MYO15A: variants seen among roughly 807,000 people sequenced by gnomAD.
The protein encoded by MYO15A is unconventional myosin-XV.
In MYO15A, 308 loss-of-function variants were observed where a neutral mutation model predicts 394.6. That is an observed-to-expected ratio of 0.78 (90% CI 0.71 to 0.86). MYO15A has a LOEUF of 0.86. MYO15A is among the 40% of genes least tolerant of loss of function. The pLI is 0.00. For synonymous variants in MYO15A, 1,957 were observed against 2,003.8 expected (o/e 0.98, Z 0.62); for missense variants, 4,606 against 4,799.1 (o/e 0.96, Z 1.19).
At chr17:18,115,113 T>C (rs931691603) in intron 1 of MYO15A, among the ~76,000 whole-genome samples, 1 of 152,172 alleles carries the variant, frequency 6.6e-6, no homozygotes, top group African/African-American at 2.4e-5. Context: ...GTAAGGAAAC[T>C]TGGGAGCCAT....
chr17:18,118,822 G>A lies in MYO15A; in HGVS notation c.22G>A (p.Glu8Lys), dbSNP rs2045833823. Reference protein sequence around the residue: MAKEEDEEKKAKKGKKGK... With the variant: MAKEEDEKKKAKKGKKGK... ...CACCATGGCGAAGGAGGAAGATGAG[G>A]AGAAGAAAGCCAAGAAAGGGAAGAA... The change falls in exon 2 of 66, where the codon GAG becomes AAG. Residue 8 changes from glutamate (E) to lysine (K), a missense_variant. Physicochemically the swap from Glu to Lys is moderately conservative, Grantham distance 56. Coordinates refer to ENST00000647165, the MANE Select transcript of MYO15A (RefSeq NM_016239.4). The A allele has an allele frequency of 1.2e-6, 2 of 1,609,602 alleles. No homozygotes were observed. Among genetic ancestry groups the A allele is most frequent in the Non-Finnish European group, 1.7e-6 (2 of 1,178,010 alleles).
intron 1 of MYO15A, among the ~76,000 whole-genome samples, chr17:18,114,077 G>A (rs1244201436): frequency 2.0e-5 from 3 of 151,906 alleles, no homozygotes; most frequent in South Asian, 2.1e-4. Flanking sequence ...CCCCAGGGGT[G>A]GATTACTTGC....
chr17:18,145,792 T>C, intron 29 of MYO15A, 80 bp from the exon 30 acceptor site: 9 of 1,241,844 alleles, frequency 7.2e-6, no homozygotes, highest in Middle Eastern at 1.9e-4. Flanking sequence ...GGGAGGGACA[T>C]GAGAGGGATG....
At position 18,149,281 on chromosome 17, in the gene MYO15A, T is replaced by C. The variant is rs1417880278; in HGVS notation, c.7022T>C (p.Met2341Thr). The C allele has an allele frequency of 6.2e-7, 1 of 1,613,912 alleles. No individual in the cohort carries two copies. The highest frequency in any genetic ancestry group is 1.1e-5 in the South Asian group (1 of 91,058). ...ACTAGACCCCAGCCCCAGGAGCACA[T>C]GCCCAAAGTACTTGACTCTGATGGG... ...MSTRPQPQEH[M>T]PKVLDSDGYS... Residue 2341 changes from methionine (M) to threonine (T), a missense_variant, in exon 34 of 66, where the codon ATG becomes ACG. By Grantham distance (81) the Met-to-Thr change is moderately conservative. Transcript: ENST00000647165.
At position 18,148,134 on chromosome 17, in the gene MYO15A, C is replaced by G. The variant is rs1304772180; in HGVS notation, c.6615C>G (p.Thr2205=). Residue 2205 remains threonine (T), a synonymous_variant, in exon 31 of 66, where the codon ACC becomes ACG. Coordinates refer to ENST00000647165, the MANE Select transcript of MYO15A (RefSeq NM_016239.4). This position sits in a 1 kb window ranked among gnomAD's most constrained non-coding sequence, Gnocchi z 4.8. ...AGCAGGGCTCGGGGGCTGCCCGCACCTTACCCCCGACCCAGCTCGAGTGGA... is the reference window on the plus strand; with the variant it reads ...AGCAGGGCTCGGGGGCTGCCCGCACGTTACCCCCGACCCAGCTCGAGTGGA... ...AQQQGSGAAR[T]LPPTQLEWTA... 1.2e-6 allele frequency: 2 copies of G among 1,613,750 alleles called. No individual in the cohort carries two copies. Among genetic ancestry groups the G allele is most frequent in the African/African-American group, 2.7e-5 (2 of 74,948 alleles).
intron 22 of MYO15A, among the ~76,000 whole-genome samples, chr17:18,141,372 G>A (rs754129724): frequency 2.0e-5 from 3 of 152,180 alleles, no homozygotes; most frequent in Admixed American, 6.5e-5. Context: ...TCAACGCTCC[G>A]CGTTATTAGA....
chr17:18,152,132 C>T lies in MYO15A; in HGVS notation c.7914C>T (p.Ala2638=), dbSNP rs1466858513. The T allele has an allele frequency of 6.4e-7, 1 of 1,551,566 alleles. No homozygotes were observed. The change falls in exon 42 of 66, where the codon GCC becomes GCT. Residue 2638 remains alanine (A), a synonymous_variant. Transcript: ENST00000647165. ...PGTQVSREAV[A]LVKPVTSAPR... is the part of the protein sequence containing the mutation. ...GACAGGTGTCCAGAGAGGCCGTGGCCCTGGTGAAGCCGGTGACCAGTGCAC... is the reference window on the plus strand; with the variant it reads ...GACAGGTGTCCAGAGAGGCCGTGGCTCTGGTGAAGCCGGTGACCAGTGCAC...
intron 57 of MYO15A, among the ~76,000 whole-genome samples, chr17:18,162,256 G>C (rs1160420754): frequency 6.6e-6 from 1 of 152,180 alleles, no homozygotes; most frequent in Non-Finnish European, 1.5e-5. Context: ...CCTAGCCACA[G>C]AGCCTGTGAG....
Position 18,140,700 on chromosome 17 carries a change from C to T in MYO15A, c.5360+35C>T, listed in dbSNP as rs997465969. 4.3e-6 allele frequency: 7 copies of T among 1,613,978 alleles called. No homozygotes were observed. In the African/African-American group the frequency reaches 9.3e-5, roughly 22 times the overall value. ...GGGGCAGGTGGGCGGAGCACCCAGC[C>T]TCATCCTTAACCCACCTCATGACCC... On this transcript the variant is annotated intron_variant, in intron 20 of 65. Transcript: ENST00000647165.
rs2046188316 is a variant in MYO15A, at chr17:18,132,600, C to T, written c.4320+34C>T. ...CAGCAGGCATCTGAAGGCCCCTGGC[C>T]CTGGTCCTCCCACCCCGACGCCCCT... On this transcript the variant is annotated intron_variant, in intron 11 of 65. Transcript: ENST00000647165. This position sits in a 1 kb window ranked among gnomAD's most constrained non-coding sequence, Gnocchi z 4.6. 6.4e-7 allele frequency: 1 copy of T among 1,566,192 alleles called. No homozygotes were observed. Among genetic ancestry groups the T allele is most frequent in the Admixed American group, 1.7e-5 (1 of 59,914 alleles).
At chr17:18,149,852 C>T in intron 35 of MYO15A, 1 of 489,764 alleles carries the variant, frequency 2.0e-6, no homozygotes. Context: ...ACTTAGGAGG[C>T]TGAGATGGGA....
chr17:18,153,917 C>G lies in MYO15A; in HGVS notation c.8088+21C>G. On this transcript the variant is annotated intron_variant, in intron 43 of 65. Transcript: ENST00000647165. The surrounding 1 kb of genome is among the most constrained non-coding windows in gnomAD (Gnocchi z 4.1). ...AAGAGGTGCCGAGCACAGCCGTAGCCAGGGGAGGGGCTGAAGCGGGGCAGG... is the reference window on the plus strand; with the variant it reads ...AAGAGGTGCCGAGCACAGCCGTAGCGAGGGGAGGGGCTGAAGCGGGGCAGG... 1 of 1,613,228 alleles carries G rather than the reference C, an allele frequency of 6.2e-7. No homozygotes were observed.
In MYO15A at chr17:18,125,209, G is replaced by T. The variant is rs2046009943; in HGVS notation, c.3734G>T (p.Arg1245Ile). The change falls in exon 4 of 66, where the codon AGA (arginine) becomes ATA (isoleucine). Residue 1245 changes from arginine to isoleucine, a missense_variant. Arg to Ile is a moderately conservative substitution (Grantham distance 97). Around this residue, in one of 2 missense-constraint regions of MYO15A, gnomAD observed 2,776 missense variants for 3,109.3 expected, o/e 0.89. Coordinates refer to ENST00000647165, the MANE Select transcript of MYO15A (RefSeq NM_016239.4). ...ACTGTGCTGTCCAACCTCAAGATTAGATTTGAACGGAACCTCATCTACGTA... is the reference window on the plus strand; with the variant it reads ...ACTGTGCTGTCCAACCTCAAGATTATATTTGAACGGAACCTCATCTACGTA... ...ETTVLSNLKIRFERNLIYTYI... is the reference protein window; with the variant it reads ...ETTVLSNLKIIFERNLIYTYI... The T allele has an allele frequency of 6.2e-7, 1 of 1,614,022 alleles. No individual in the cohort carries two copies. Among genetic ancestry groups the T allele is most frequent in the African/African-American group, 1.3e-5 (1 of 74,922 alleles).
Position 18,151,215 on chromosome 17 carries a change from G to A in MYO15A, c.7579G>A (p.Ala2527Thr). ...AAAGCCCTTGGCCCCAGCCCCTCTG[G>A]CCAAGGCTCCAAGGCTCCCCATCAA... ...TPKPLAPAPL[A>T]KAPRLPIKPV... Residue 2527 changes from alanine (A) to threonine (T), a missense_variant, in exon 39 of 66, where the codon GCC becomes ACC. This residue lies in a region of MYO15A where 2,776 missense variants were observed against 3,109.3 expected (regional missense o/e 0.89). Coordinates refer to ENST00000647165, the MANE Select transcript of MYO15A (RefSeq NM_016239.4). The A allele has an allele frequency of 6.2e-7, 1 of 1,613,884 alleles. No homozygotes were observed. Among genetic ancestry groups the A allele is most frequent in the African/African-American group, 1.3e-5 (1 of 74,958 alleles).
rs768607209 is a variant in MYO15A at position 18,151,218 on chromosome 17, A to T, written c.7582A>T (p.Lys2528Ter). 1.9e-6 allele frequency: 3 copies of T among 1,613,726 alleles called. No homozygotes were observed. Among genetic ancestry groups the T allele is most frequent in the Admixed American group, 1.7e-5 (1 of 60,010 alleles). ...PKPLAPAPLA[K>*]APRLPIKPVA... ...GCCCTTGGCCCCAGCCCCTCTGGCCAAGGCTCCAAGGCTCCCCATCAAGCC... is the reference window on the plus strand; with the variant it reads ...GCCCTTGGCCCCAGCCCCTCTGGCCTAGGCTCCAAGGCTCCCCATCAAGCC... The change falls in exon 39 of 66, where the codon AAG (lysine) becomes TAG (stop). Residue 2528 changes from lysine (K) to a stop codon, truncating the protein, a stop_gained. Coordinates refer to ENST00000647165, the MANE Select transcript of MYO15A (RefSeq NM_016239.4). LOFTEE classifies it high-confidence loss of function.
chr17:18,168,555 A>G (rs1255168072), intron 62 of MYO15A, among the ~76,000 whole-genome samples: 1 of 147,606 alleles, frequency 6.8e-6, no homozygotes, highest in Non-Finnish European at 1.5e-5. Context: ...GTGACAGAGC[A>G]AGACTCCGTC....
chr17:18,169,962 C>A (rs1418373897), intron 62 of MYO15A, among the ~76,000 whole-genome samples: 4 of 126,600 alleles, frequency 3.2e-5, no homozygotes, highest in African/African-American at 6.6e-5. Context: ...CAGAGCAAGA[C>A]CCTGTCTCAA....
Position 18,148,520 on chromosome 17 carries a change from A to T in MYO15A, c.6716A>T (p.His2239Leu). The T allele has an allele frequency of 6.4e-7, 1 of 1,552,694 alleles. No individual in the cohort carries two copies. Among genetic ancestry groups the T allele is most frequent in the Non-Finnish European group, 8.7e-7 (1 of 1,147,518 alleles). ...FNGDQFSCPVHSWSTGEEVAG... is the reference protein window; with the variant it reads ...FNGDQFSCPVLSWSTGEEVAG... ...GGTGACCAGTTCTCCTGCCCGGTGC[A>T]CTCCTGGAGTACGGGGGAAGAGGTG... Residue 2239 changes from histidine (H) to leucine (L), a missense_variant, in exon 32 of 66, where the codon CAC becomes CTC. Coordinates refer to ENST00000647165, the MANE Select transcript of MYO15A (RefSeq NM_016239.4). The surrounding 1 kb of genome is among the most constrained non-coding windows in gnomAD (Gnocchi z 4.8).
intron 1 of MYO15A, among the ~76,000 whole-genome samples, chr17:18,118,199 C>T (rs571486286): frequency 1.3e-5 from 2 of 152,174 alleles, no homozygotes; most frequent in Admixed American, 6.5e-5. Context: ...TTACACTGAC[C>T]GCAGCCCAGC....
Sources: allele counts gnomAD v4.1 joint callset (sites outside exome capture counted in the v4.1 genomes callset), GRCh38; gene constraint gnomAD v4.1.1; regional missense constraint gnomAD v4.1.1; non-coding constraint Gnocchi (gnomAD v3.1); transcripts MANE v1.5; gene names NCBI Gene and HGNC (gene_info 2026-07-23, HGNC 2026-07-21).